Variants in PTK2B observed in about 807,000 individuals in gnomAD.
PTK2B encodes protein tyrosine kinase 2 beta, also known as protein-tyrosine kinase 2-beta.
PTK2B carries 71 observed loss-of-function variants against 142.9 expected under a neutral mutation model. The observed-to-expected ratio is 0.50, with a 90% confidence interval of 0.41 to 0.61. The LOEUF is 0.61. Among genes scored for constraint, PTK2B ranks in the 20% least tolerant of loss-of-function variants. The pLI, the probability that PTK2B is intolerant of heterozygous loss-of-function variation, is 0.00. For synonymous variants in PTK2B, 519 were observed against 503.4 expected (o/e 1.03, Z -0.42); for missense variants, 1,105 against 1,320.4 (o/e 0.84, Z 2.53).
chr8:27,359,957 C>G (rs1805603501), intron 1 of PTK2B, among the ~76,000 whole-genome samples: 1 of 152,166 alleles, frequency 6.6e-6, no homozygotes, highest in African/African-American at 2.4e-5. Flanking sequence ...CCTCTGATAC[C>G]CAGGTGGCCT....
At chr8:27,424,467 G>C (rs1809950840) in intron 5 of PTK2B, among the ~76,000 whole-genome samples, 1 of 152,204 alleles carries the variant, frequency 6.6e-6, no homozygotes, top group Admixed American at 6.5e-5. Flanking sequence ...TGCAAGAGAT[G>C]TATTGTTTCA....
intron 2 of PTK2B, among the ~76,000 whole-genome samples, chr8:27,407,706 G>C (rs1014286726): frequency 2.6e-5 from 4 of 152,120 alleles, no homozygotes; most frequent in African/African-American, 9.7e-5. Context: ...CAAGGACCCC[G>C]AACTCCATTT....
intron 1 of PTK2B, among the ~76,000 whole-genome samples, chr8:27,361,148 A>G (rs1057244249): frequency 6.6e-6 from 1 of 152,146 alleles, no homozygotes; most frequent in Non-Finnish European, 1.5e-5. Flanking sequence ...AATGTCTATT[A>G]TTCCACACTC....
At chr8:27,446,043 T>C in intron 24 of PTK2B, 124 bp downstream of exon 24, 1 of 1,402,350 alleles carries the variant, frequency 7.1e-7, no homozygotes, top group African/African-American at 1.4e-5. Context: ...CATGCACCAG[T>C]CAGGCCACTG....
chr8:27,331,596 C>T (rs901127601), intron 1 of PTK2B, among the ~76,000 whole-genome samples: 2 of 152,078 alleles, frequency 1.3e-5, no homozygotes, highest in Non-Finnish European at 2.9e-5. Context: ...AAGAGATTCT[C>T]CTGCCTCAGC....
intron 24 of PTK2B, 80 bp from the exon 25 acceptor site, chr8:27,450,669 G>T: frequency 6.4e-7 from 1 of 1,554,566 alleles, no homozygotes; most frequent in Non-Finnish European, 8.8e-7. Flanking sequence ...CTGCCATGAG[G>T]TTCTTCAGAG....
chr8:27,447,870 TAAATA>T (rs993054345), intron 24 of PTK2B, among the ~76,000 whole-genome samples: 7 of 152,144 alleles, frequency 4.6e-5, no homozygotes, highest in African/African-American at 1.4e-4. Flanking sequence ...AAAATAAAAA[TAAATA>T]AAATAAAAAT....
Position 27,437,511 on chromosome 8 carries a change from C to T in PTK2B, c.1527+15C>T. The T allele has an allele frequency of 1.3e-6, 2 of 1,574,234 alleles. No homozygotes were observed. Among genetic ancestry groups the T allele is most frequent in the South Asian group, 2.3e-5 (2 of 86,608 alleles). On this transcript the variant is annotated intron_variant, in intron 17 of 30. Transcript: ENST00000346049. Reference sequence around the variant, plus strand: ...CCTATGGGGAGGTGAGCTGGAGGACCCTGCGATGACAACTGGGCTGCAGCA... The same window carrying T: ...CCTATGGGGAGGTGAGCTGGAGGACTCTGCGATGACAACTGGGCTGCAGCA...
At chr8:27,371,109 G>C (rs1806329631) in intron 1 of PTK2B, among the ~76,000 whole-genome samples, 1 of 152,036 alleles carries the variant, frequency 6.6e-6, no homozygotes, top group South Asian at 2.1e-4. Context: ...TTGGCCAGTT[G>C]GTCTCAAACT....
rs557915838 is a variant in PTK2B at position 27,414,590 on chromosome 8, T to TTCTC, written c.205-5291_205-5288dup. On this transcript the variant is annotated intron_variant, in intron 2 of 30. Coordinates refer to ENST00000346049, the MANE Select transcript of PTK2B (RefSeq NM_173176.3). ...GTCCTTTCCATAAATGAAGCTCAGT[T>TTCTC]TCTCTCTCTCTCTCTCTGTGTGTGT... Among the ~76,000 whole-genome samples, 111 of 87,576 alleles carry TTCTC rather than the reference T, an allele frequency of 1.3e-3. 1 individual carries two copies. The highest frequency in any genetic ancestry group is 3.4e-3 in the Admixed American group (27 of 8,000). 57.5% of individuals were successfully genotyped at this position (87,576 alleles called of 152,430 possible). A position where few individuals can be genotyped will look rare whatever the true frequency, so the allele number is the denominator to read the frequency against.
In PTK2B at chr8:27,347,862, A is replaced by G. The variant is rs371987897; in HGVS notation, c.-38+22181A>G. On this transcript the variant is annotated intron_variant, in intron 1 of 30. Coordinates refer to ENST00000346049, the MANE Select transcript of PTK2B (RefSeq NM_173176.3). ...TTCTACCTCTCATGCATTTGACCCC[A>G]CTACCTCTTGCCTTCCTCCCCTGCT... 1.6e-3 allele frequency among the ~76,000 whole-genome samples: 241 copies of G among 152,248 alleles called. 1 individual carries two copies. Among genetic ancestry groups the G allele is most frequent in the African/African-American group, 5.5e-3 (230 of 41,542 alleles).
At chr8:27,335,835 T>C (rs991479890) in intron 1 of PTK2B, among the ~76,000 whole-genome samples, 5 of 151,802 alleles carry the variant, frequency 3.3e-5, no homozygotes, top group African/African-American at 7.3e-5. Flanking sequence ...AATCAGGGGG[T>C]GTGGGGACTT....
In PTK2B at chr8:27,335,292, T is replaced by G. The variant is rs531074586; in HGVS notation, c.-38+9611T>G. Among the ~76,000 whole-genome samples the G allele has an allele frequency of 2.0e-5, 3 of 152,240 alleles. No individual in the cohort carries two copies. In the East Asian group the frequency reaches 5.8e-4, roughly 29 times the overall value. Reference sequence around the variant, plus strand: ...CTCTCCCTGTCTTTACTTGACCCTGTATAGAAAAATGCTTTCAGGGCCAAT... The same window carrying G: ...CTCTCCCTGTCTTTACTTGACCCTGGATAGAAAAATGCTTTCAGGGCCAAT... On this transcript the variant is annotated intron_variant, in intron 1 of 30. Coordinates refer to ENST00000346049, the MANE Select transcript of PTK2B (RefSeq NM_173176.3).
rs78535706 is a variant in PTK2B at position 27,427,070 on chromosome 8, C to T, written c.552-3023C>T. Reference sequence around the variant, plus strand: ...CGTGGCTGGGAAGCAGATCTCACCCCGTGGGTGGGTGATGCATCCTCCTGC... The same window carrying T: ...CGTGGCTGGGAAGCAGATCTCACCCTGTGGGTGGGTGATGCATCCTCCTGC... On this transcript the variant is annotated intron_variant, in intron 5 of 30. Coordinates refer to ENST00000346049, the MANE Select transcript of PTK2B (RefSeq NM_173176.3). Among the ~76,000 whole-genome samples, 590 of 152,308 alleles carry T rather than the reference C, an allele frequency of 3.9e-3. 2 individuals are homozygous for T. The highest frequency in any genetic ancestry group is 0.013 in the African/African-American group (550 of 41,544).
At chr8:27,322,447 C>G (rs143804951), upstream of PTK2B, 1 of 152,126 alleles carries the variant, frequency 6.6e-6, no homozygotes, top group African/African-American at 2.4e-5. Context: ...ACAAGCTAGA[C>G]GGCAGATGAA....
Position 27,440,309 on chromosome 8 carries a change from G to C in PTK2B, c.1907G>C (p.Gly636Ala), listed in dbSNP as rs1586333011. The change falls in exon 21 of 31, where the codon GGG becomes GCG. Residue 636 changes from glycine (G) to alanine (A), a missense_variant. Transcript: ENST00000346049. ...TGGCTGGAGAACAAGGATGTCATCG[G>C]GGTGCTGGAGAAAGGAGACCGGCTG... ...FFWLENKDVI[G>A]VLEKGDRLPK... The C allele has an allele frequency of 5.6e-6, 9 of 1,614,178 alleles. No individual in the cohort carries two copies. In the African/African-American group the frequency reaches 6.7e-5, roughly 12 times the overall value.
At chr8:27,345,666 A>G (rs564524357) in intron 1 of PTK2B, among the ~76,000 whole-genome samples, 47 of 152,332 alleles carry the variant, frequency 3.1e-4, no homozygotes, top group African/African-American at 9.1e-4. Context: ...CCAGTAACCT[A>G]TTTGTGCAGA....
At chr8:27,408,578 T>C (rs1187596262) in intron 2 of PTK2B, among the ~76,000 whole-genome samples, 1 of 152,258 alleles carries the variant, frequency 6.6e-6, no homozygotes, top group Admixed American at 6.5e-5. Context: ...ATGCCTTTTC[T>C]CCTTTAATCA....
upstream of PTK2B, among the ~76,000 whole-genome samples, chr8:27,320,979 G>GTTTT (rs1257774872): frequency 2.8e-4 from 9 of 32,646 alleles, no homozygotes; most frequent in Non-Finnish European, 6.1e-4. Flanking sequence ...CATACAAAAG[G>GTTTT]CTTTTTTTTT....
Sources: allele counts gnomAD v4.1 joint callset (sites outside exome capture counted in the v4.1 genomes callset), GRCh38; gene constraint gnomAD v4.1.1; transcripts MANE v1.5; gene names NCBI Gene and HGNC (gene_info 2026-07-23, HGNC 2026-07-21).